Variants in MEIG1 observed in about 807,000 individuals in gnomAD.
MEIG1 encodes the protein meiosis/spermiogenesis associated 1.
MEIG1 carries 12 observed loss-of-function variants against 11.3 expected under a neutral mutation model. The ratio of observed to expected loss-of-function variants is 1.07; its 90% CI spans 0.68 to 1.73. The LOEUF (loss-of-function observed/expected upper bound fraction) is 1.73. Among genes scored for constraint, MEIG1 ranks in the 40% most tolerant of loss-of-function variants. The probability of loss-of-function intolerance (pLI) is 0.00; values close to 1 mark genes in which losing one functional copy is unlikely to be tolerated. For synonymous variants in MEIG1, 41 were observed against 33.2 expected, an observed-to-expected ratio of 1.24 and a Z score of -0.81; for missense variants, 119 against 104.9, an observed-to-expected ratio of 1.13 and a Z score of -0.59.
In MEIG1 at chr10:14,966,603, T is replaced by A; in HGVS notation, c.135T>A (p.Ser45=). The A allele has an allele frequency of 6.2e-7, 1 of 1,608,212 alleles. No individual in the cohort carries two copies. The highest frequency in any genetic ancestry group is 8.5e-7 in the Non-Finnish European group (1 of 1,178,120). ...AATATAGACAAGTGAAACAAGTTTCTATGGTAAGATTTCTGTCTCTACAAA... is the reference window on the plus strand; with the variant it reads ...AATATAGACAAGTGAAACAAGTTTCAATGGTAAGATTTCTGTCTCTACAAA... ...ETEYRQVKQV[S]MVDRWPETGY... Residue 45 remains serine (S), a synonymous_variant, in exon 2 of 3, where the codon TCT becomes TCA. Transcript: ENST00000407572.
At chr10:14,985,897 C>T (rs553724108) in intron 1 of MEIG1, among the ~76,000 whole-genome samples, 6 of 152,092 alleles carry the variant, frequency 3.9e-5, no homozygotes, top group African/African-American at 1.2e-4. Context: ...TATCACAGTG[C>T]GTGTACCCCG....
intron 1 of MEIG1, among the ~76,000 whole-genome samples, chr10:14,982,858 A>C (rs1412498122): frequency 6.6e-6 from 1 of 152,188 alleles, no homozygotes; most frequent in African/African-American, 2.4e-5. Flanking sequence ...TAAATGATTA[A>C]TATTAACGAT....
intron 1 of MEIG1, among the ~76,000 whole-genome samples, chr10:14,983,556 C>T (rs541030946): frequency 8.6e-5 from 13 of 151,910 alleles, no homozygotes; most frequent in African/African-American, 2.7e-4. Context: ...CCAGTCTGTG[C>T]TATTGTTCTT....
upstream of MEIG1, among the ~76,000 whole-genome samples, chr10:14,958,009 T>C (rs550652585): frequency 2.0e-4 from 30 of 152,232 alleles, no homozygotes; most frequent in East Asian, 1.2e-3. Flanking sequence ...AGAGGGGGCA[T>C]AGAGAGCTGT....
chr10:14,964,585 G>GTGTATA (rs1378376059), intron 1 of MEIG1, among the ~76,000 whole-genome samples: 25 of 93,022 alleles, frequency 2.7e-4, no homozygotes, highest in African/African-American at 6.3e-4. Flanking sequence ...GTGTGTGTGT[G>GTGTATA]TATATATATA....
chr10:14,981,604 G>A (rs1353362142), intron 1 of MEIG1, among the ~76,000 whole-genome samples: 2 of 152,148 alleles, frequency 1.3e-5, no homozygotes, highest in Admixed American at 6.5e-5. Flanking sequence ...ACCCCCGACA[G>A]TCATTCTGAC....
At chr10:14,967,504 A>T (rs977809212) in intron 2 of MEIG1, among the ~76,000 whole-genome samples, 1 of 135,330 alleles carries the variant, frequency 7.4e-6, no homozygotes, top group Non-Finnish European at 1.6e-5. Flanking sequence ...CTACTAAGAT[A>T]TTTTTTTTTT....
At chr10:14,984,004 C>T (rs1248139752) in intron 1 of MEIG1, among the ~76,000 whole-genome samples, 2 of 151,974 alleles carry the variant, frequency 1.3e-5, no homozygotes, top group Admixed American at 6.6e-5. Context: ...TAAACACTCC[C>T]GAGATATTGT....
intron 1 of MEIG1, among the ~76,000 whole-genome samples, chr10:14,960,429 A>G (rs942195775): frequency 6.6e-6 from 1 of 151,870 alleles, no homozygotes; most frequent in African/African-American, 2.4e-5. Flanking sequence ...TTTTTGTTTT[A>G]GTTTTTTGAG....
downstream of MEIG1, among the ~76,000 whole-genome samples, chr10:14,973,851 G>A (rs1338350361): frequency 2.0e-5 from 3 of 151,610 alleles, no homozygotes; most frequent in Non-Finnish European, 4.4e-5. Context: ...ATATGGTAAT[G>A]TACAGTTGCA....
downstream of MEIG1, among the ~76,000 whole-genome samples, chr10:14,974,629 T>C (rs952677500): frequency 3.8e-4 from 58 of 152,250 alleles, no homozygotes; most frequent in African/African-American, 1.4e-3. Flanking sequence ...TTGAGACTAA[T>C]AACTATCAAT....
intron 1 of MEIG1, among the ~76,000 whole-genome samples, chr10:14,965,655 C>T (rs1167435685): frequency 6.8e-6 from 1 of 147,362 alleles, no homozygotes; most frequent in Non-Finnish European, 1.5e-5. Flanking sequence ...AGTGAGAAGA[C>T]GGGTCTTACA....
intron 2 of MEIG1, chr10:14,970,293 CAAG>C (rs1843134112): frequency 6.6e-6 from 1 of 152,214 alleles, no homozygotes; most frequent in African/African-American, 2.4e-5. Context: ...AGTTGAAAGT[CAAG>C]AAGAAAAGAA....
rs145455075 is a variant in MEIG1, at chr10:14,985,150, G to T, written n.67-1646G>T. ...CGGGGTGTACACAGAGTCACACAGTGATAGGAGTTGTAATATTCTAGAGAT... is the reference window on the plus strand; with the variant it reads ...CGGGGTGTACACAGAGTCACACAGTTATAGGAGTTGTAATATTCTAGAGAT... On this transcript the variant is annotated intron_variant and non_coding_transcript_variant, in intron 1 of 2. Coordinates refer to the MEIG1 transcript ENST00000467536. 6.3e-4 allele frequency among the ~76,000 whole-genome samples: 96 copies of T among 152,196 alleles called. 1 individual carries two copies. Among genetic ancestry groups the T allele is most frequent in the African/African-American group, 2.3e-3 (95 of 41,508 alleles).
chr10:14,967,262 C>T (rs1181745638), intron 2 of MEIG1, among the ~76,000 whole-genome samples: 1 of 152,074 alleles, frequency 6.6e-6, no homozygotes, highest in East Asian at 1.9e-4. Flanking sequence ...TTATTTCCCT[C>T]CTGTTACTTT....
chr10:14,976,051 A>AC (rs1297560155), downstream of MEIG1, among the ~76,000 whole-genome samples: 2 of 151,934 alleles, frequency 1.3e-5, no homozygotes, highest in Non-Finnish European at 2.9e-5. Context: ...CCAGGGGGGG[A>AC]CCGGGGGGTG....
chr10:14,981,127 C>G (rs1843258452), intron 1 of MEIG1, among the ~76,000 whole-genome samples: 1 of 151,922 alleles, frequency 6.6e-6, no homozygotes, highest in Non-Finnish European at 1.5e-5. Flanking sequence ...GTGACCGGGT[C>G]CTGTTTTTGC....
downstream of MEIG1, among the ~76,000 whole-genome samples, chr10:14,977,531 A>G (rs1843221928): frequency 6.6e-6 from 1 of 151,518 alleles, no homozygotes; most frequent in African/African-American, 2.4e-5. Context: ...ACCCTTCGAT[A>G]TTATTTGTAA....
At chr10:14,963,296 T>G (rs993268222) in intron 1 of MEIG1, among the ~76,000 whole-genome samples, 1 of 151,814 alleles carries the variant, frequency 6.6e-6, no homozygotes, top group Non-Finnish European at 1.5e-5. Flanking sequence ...GGTTTCTCCA[T>G]GTTGGTCAGG....
Sources: gnomAD v4.1 joint callset for allele counts (sites outside exome capture counted in the v4.1 genomes callset) on GRCh38, gnomAD v4.1.1 for gene constraint, MANE v1.5 for transcripts, NCBI Gene and HGNC (gene_info 2026-07-23, HGNC 2026-07-21) for gene names.